Variants in CASR observed in about 807,000 individuals in gnomAD.
The protein encoded by CASR is calcium sensing receptor.
Under a neutral mutation model 69.1 loss-of-function variants are expected in CASR, and 23 were observed. That is an observed-to-expected ratio of 0.33 (90% confidence interval 0.24 to 0.47). The LOEUF (loss-of-function observed/expected upper bound fraction) is 0.47. CASR is among the 20% of genes least tolerant of loss of function. CASR has a pLI of 1.00. For missense variants in CASR, 924 were observed against 1,356.1 expected, an observed-to-expected ratio of 0.68 and a Z score of 5.00; for synonymous variants, 541 against 544.7, an observed-to-expected ratio of 0.99 and a Z score of 0.10.
chr3:122,252,414 A>T (rs1280823750), intron 1 of CASR, among the ~76,000 whole-genome samples: 5 of 43,480 alleles, frequency 1.1e-4, no homozygotes, highest in South Asian at 6.9e-4. Context: ...AAGGAAAAAG[A>T]AAGAAAGAAA....
At chr3:122,232,462 G>A (rs902875306) in intron 1 of CASR, among the ~76,000 whole-genome samples, 4 of 152,200 alleles carry the variant, frequency 2.6e-5, no homozygotes, top group Non-Finnish European at 4.4e-5. Flanking sequence ...AAGAGGCACA[G>A]GTCAGAGGGG....
chr3:122,247,971 A>G (rs969036800), intron 1 of CASR, among the ~76,000 whole-genome samples: 1 of 152,040 alleles, frequency 6.6e-6, no homozygotes, highest in Non-Finnish European at 1.5e-5. Context: ...TTCCAACTCA[A>G]TTAAGCCATT....
At chr3:122,252,346 AG>A (rs1307582046) in intron 1 of CASR, among the ~76,000 whole-genome samples, 3 of 40,112 alleles carry the variant, frequency 7.5e-5, no homozygotes, top group Admixed American at 2.5e-4. Flanking sequence ...GAAAGAAAGA[AG>A]AAAGAAAGAA....
Position 122,262,083 on chromosome 3 carries a change from G to C in CASR, c.1048G>C (p.Glu350Gln). 1 of 1,614,182 alleles carries C rather than the reference G, an allele frequency of 6.2e-7. No individual in the cohort carries two copies. The highest frequency in any genetic ancestry group is 8.5e-7 in the Non-Finnish European group (1 of 1,180,036). The change falls in exon 4 of 7, where the codon GAG (glutamate) becomes CAG (glutamine). Residue 350 changes from glutamate (E) to glutamine (Q), a missense_variant. By Grantham distance (29) the Glu-to-Gln change is conservative (BLOSUM62 2). This residue lies in a region of CASR where 310 missense variants were observed against 395.7 expected (regional missense o/e 0.78). Transcript: ENST00000639785. ...RKSVHNGFAK[E>Q]FWEETFNCHL... ...GTCTGTCCACAATGGTTTTGCCAAG[G>C]AGTTTTGGGAAGAAACATTTAACTG...
rs1196539743 is a variant in CASR, at chr3:122,286,692, G to T, written c.*1501G>T. ...GGTGAGGAAGCCAGAAAGCTGGTCA[G>T]CCCCTCAGGTGGCCCAATGCCCTGT... is the stretch of plus-strand genomic sequence containing the variant. On this transcript the variant is annotated 3_prime_UTR_variant, in exon 7 of 7. Transcript: ENST00000639785. The T allele has an allele frequency of 6.6e-6, 1 of 152,226 alleles. No homozygotes were observed. Among genetic ancestry groups the T allele is most frequent in the African/African-American group, 2.4e-5 (1 of 41,448 alleles). 9.4% of individuals were successfully genotyped at this position (152,226 alleles called of 1,614,324 possible).
chr3:122,232,299 G>A (rs999044762), intron 1 of CASR, among the ~76,000 whole-genome samples: 10 of 152,140 alleles, frequency 6.6e-5, no homozygotes, highest in African/African-American at 2.2e-4. Flanking sequence ...AGAGCAAGAG[G>A]GACTGTGGCA....
At chr3:122,237,047 T>C (rs1161266147) in intron 1 of CASR, among the ~76,000 whole-genome samples, 2 of 152,096 alleles carry the variant, frequency 1.3e-5, no homozygotes, top group East Asian at 3.9e-4. Context: ...AATGAAACAC[T>C]GGAGGCTTGT....
rs1246851831 is a variant in CASR at position 122,282,009 on chromosome 3, T to C, written c.1609-104T>C. ...TGGGCCCAACGTCTGTCACACTGATTCTTGTGCCCAAACTCCTCCCTCTTA... is the reference window on the plus strand; with the variant it reads ...TGGGCCCAACGTCTGTCACACTGATCCTTGTGCCCAAACTCCTCCCTCTTA... On this transcript the variant is annotated intron_variant, in intron 5 of 6. Coordinates refer to ENST00000639785, the MANE Select transcript of CASR (RefSeq NM_000388.4). 21 of 1,546,192 alleles carry C rather than the reference T, an allele frequency of 1.4e-5. No individual in the cohort carries two copies. In the East Asian group the frequency reaches 4.5e-4, roughly 33 times the overall value.
At chr3:122,217,060 T>C (rs1002040389) in intron 1 of CASR, among the ~76,000 whole-genome samples, 1 of 152,016 alleles carries the variant, frequency 6.6e-6, no homozygotes, top group African/African-American at 2.4e-5. Context: ...ACTATAGCAA[T>C]GAATATTTGT....
chr3:122,285,026 T>C lies in CASR; in HGVS notation c.3072T>C (p.Asp1024=). ...LPLQCGETDL[D]LTVQETGLQG... ...TGCAGTGCGGGGAAACGGACTTAGA[T>C]CTGACCGTCCAGGAAACAGGTCTGC... The change falls in exon 7 of 7, where the codon GAT becomes GAC. Residue 1024 remains aspartate (D), a synonymous_variant. Transcript: ENST00000639785. 1 of 1,614,188 alleles carries C rather than the reference T, an allele frequency of 6.2e-7. No individual in the cohort carries two copies. Among genetic ancestry groups the C allele is most frequent in the Non-Finnish European group, 8.5e-7 (1 of 1,180,028 alleles).
chr3:122,248,922 GACA>G lies in CASR; in HGVS notation c.-242-5021_-242-5019del, dbSNP rs561776401. 1.0e-3 allele frequency among the ~76,000 whole-genome samples: 159 copies of G among 152,224 alleles called. 1 individual carries two copies. The highest frequency in any genetic ancestry group is 3.5e-3 in the African/African-American group (147 of 41,538). On this transcript the variant is annotated intron_variant, in intron 1 of 6. Transcript: ENST00000639785. Reference sequence around the variant, plus strand: ...GGATTAGCCACGTAGCTACTCTTTGGACAACAAGTTCAACAGACATTTTTAGAG... The same window carrying G: ...GGATTAGCCACGTAGCTACTCTTTGGACAAGTTCAACAGACATTTTTAGAG...
chr3:122,253,749 G>A (rs1329498992), intron 1 of CASR, among the ~76,000 whole-genome samples, 199 bp from the exon 2 acceptor site: 1 of 152,128 alleles, frequency 6.6e-6, no homozygotes, highest in Non-Finnish European at 1.5e-5. Flanking sequence ...ACCTAACATA[G>A]TTCTTCCCCA....
intron 1 of CASR, among the ~76,000 whole-genome samples, chr3:122,224,408 T>C (rs2074202959): frequency 6.6e-6 from 1 of 151,990 alleles, no homozygotes; most frequent in Admixed American, 6.6e-5. Flanking sequence ...ACATTTAAAC[T>C]GAGAGCCAAA....
At chr3:122,216,699 A>G (rs1182497880) in intron 1 of CASR, among the ~76,000 whole-genome samples, 1 of 152,252 alleles carries the variant, frequency 6.6e-6, no homozygotes, top group Non-Finnish European at 1.5e-5. Flanking sequence ...AAAAGTGCTC[A>G]TTAAATGTTA....
chr3:122,207,230 G>A (rs911444190), intron 1 of CASR, among the ~76,000 whole-genome samples: 1 of 151,924 alleles, frequency 6.6e-6, no homozygotes, highest in Non-Finnish European at 1.5e-5. Flanking sequence ...ACAAGTAGAG[G>A]ACTTTAACAC....
At chr3:122,256,148 T>C (rs2074552123) in intron 2 of CASR, among the ~76,000 whole-genome samples, 2 of 152,210 alleles carry the variant, frequency 1.3e-5, no homozygotes, top group Admixed American at 1.3e-4. Context: ...GCATTCCACC[T>C]CCCAGAAATA....
rs1262049687 is a variant in CASR at position 122,254,225 on chromosome 3, A to G, written c.36A>G (p.Ala12=). 1 of 1,613,348 alleles carries G rather than the reference A, an allele frequency of 6.2e-7. No individual in the cohort carries two copies. The highest frequency in any genetic ancestry group is 8.5e-7 in the Non-Finnish European group (1 of 1,180,014). Residue 12 remains alanine (A), a synonymous_variant, in exon 2 of 7, where the codon GCA becomes GCG. Coordinates refer to ENST00000639785, the MANE Select transcript of CASR (RefSeq NM_000388.4). ...AFYSCCWVLL[A]LTWHTSAYGP... is the part of the protein sequence containing the mutation. ...ATAGCTGCTGCTGGGTCCTCTTGGCACTCACCTGGCACACCTCTGCCTACG... is the reference window on the plus strand; with the variant it reads ...ATAGCTGCTGCTGGGTCCTCTTGGCGCTCACCTGGCACACCTCTGCCTACG...
At chr3:122,201,088 G>A (rs997987087) in intron 1 of CASR, among the ~76,000 whole-genome samples, 1 of 149,572 alleles carries the variant, frequency 6.7e-6, no homozygotes, top group Non-Finnish European at 1.5e-5. Flanking sequence ...GTGGAGGGAA[G>A]GTCAGCAGAT....
chr3:122,239,381 G>A (rs1274477723), intron 1 of CASR, among the ~76,000 whole-genome samples: 1 of 152,194 alleles, frequency 6.6e-6, no homozygotes, highest in East Asian at 1.9e-4. Context: ...GTGGTTTAAG[G>A]GCCAGCTTAG....
Sources: allele counts gnomAD v4.1 joint callset (sites outside exome capture counted in the v4.1 genomes callset), GRCh38; gene constraint gnomAD v4.1.1; regional missense constraint gnomAD v4.1.1; transcripts MANE v1.5; gene names NCBI Gene and HGNC (gene_info 2026-07-23, HGNC 2026-07-21).